Variants in TBC1D5 observed in about 807,000 individuals in gnomAD.
TBC1D5 encodes the protein TBC1 domain family, member 5.
TBC1D5 carries 75 observed loss-of-function variants against 100.3 expected under a neutral mutation model. The ratio of observed to expected loss-of-function variants is 0.75; its 90% CI spans 0.62 to 0.91. TBC1D5 has a LOEUF of 0.91. TBC1D5 is among the 40% of genes least tolerant of loss of function. The probability of loss-of-function intolerance (pLI) is 0.00; values close to 1 mark genes in which losing one functional copy is unlikely to be tolerated. For synonymous variants in TBC1D5, 323 were observed against 325.6 expected (o/e 0.99, Z 0.09); for missense variants, 910 against 942.4 (o/e 0.97, Z 0.45).
chr3:17,262,231 C>CTACAAACCT (rs1302715648), intron 15 of TBC1D5, among the ~76,000 whole-genome samples: 2 of 152,136 alleles, frequency 1.3e-5, no homozygotes, highest in African/African-American at 4.8e-5. Flanking sequence ...TGACCCCAGG[C>CTACAAACCT]TACAAACCTG....
chr3:17,321,614 C>G (rs1267136874), intron 13 of TBC1D5, among the ~76,000 whole-genome samples: 2 of 152,114 alleles, frequency 1.3e-5, no homozygotes, highest in African/African-American at 4.8e-5. Flanking sequence ...CTGTTTTAGT[C>G]AAAACCAATA....
chr3:17,625,474 AT>A (rs928812280), intron 1 of TBC1D5, among the ~76,000 whole-genome samples: 7 of 152,018 alleles, frequency 4.6e-5, no homozygotes, highest in African/African-American at 9.7e-5. Flanking sequence ...ACGATATTTA[AT>A]TTTTTTAAGG....
intron 13 of TBC1D5, among the ~76,000 whole-genome samples, chr3:17,339,095 T>C (rs916295367): frequency 2.0e-5 from 3 of 152,218 alleles, no homozygotes; most frequent in African/African-American, 7.2e-5. Flanking sequence ...AACACAGTAC[T>C]GAAAGTGCAA....
intron 10 of TBC1D5, among the ~76,000 whole-genome samples, chr3:17,375,404 T>C (rs773854830): frequency 9.2e-5 from 14 of 151,864 alleles, no homozygotes; most frequent in Non-Finnish European, 1.9e-4. Context: ...CCATCTCTAC[T>C]AAAAATACAA....
chr3:17,603,373 C>A (rs1021526485), intron 2 of TBC1D5, among the ~76,000 whole-genome samples: 1 of 152,002 alleles, frequency 6.6e-6, no homozygotes, highest in East Asian at 1.9e-4. Flanking sequence ...GCACAAAAAC[C>A]AAGATGGCAA....
chr3:17,677,519 G>A (rs1437001626), intron 1 of TBC1D5, among the ~76,000 whole-genome samples: 1 of 152,218 alleles, frequency 6.6e-6, no homozygotes, highest in Non-Finnish European at 1.5e-5. Context: ...AGGATGTGGA[G>A]AAATAGGAAC....
chr3:17,349,012 G>T (rs2090242756), intron 13 of TBC1D5, among the ~76,000 whole-genome samples: 2 of 152,076 alleles, frequency 1.3e-5, no homozygotes, highest in African/African-American at 4.8e-5. Flanking sequence ...TTAAAACTGA[G>T]AAAAAGAAAT....
intron 13 of TBC1D5, among the ~76,000 whole-genome samples, chr3:17,321,110 C>T (rs1180116725): frequency 6.6e-6 from 1 of 152,116 alleles, no homozygotes; most frequent in African/African-American, 2.4e-5. Flanking sequence ...CTCTGTTGTC[C>T]AGGCTGGAGT....
At chr3:17,508,531 G>C (rs2095867853) in exon 3 of TBC1D5, 1 of 1,613,676 alleles carries the variant, frequency 6.2e-7, no homozygotes, top group Admixed American at 1.7e-5. Flanking sequence ...TGTTCTTCTG[G>C]CTGCAGAGGA....
At chr3:17,256,222 C>T (rs555896626) in intron 16 of TBC1D5, among the ~76,000 whole-genome samples, 5 of 151,906 alleles carry the variant, frequency 3.3e-5, no homozygotes, top group African/African-American at 7.2e-5. Context: ...TTCCCAGCAC[C>T]GTCTATTAAC....
intron 2 of TBC1D5, among the ~76,000 whole-genome samples, chr3:17,525,780 T>C (rs771954108): frequency 6.6e-6 from 1 of 151,894 alleles, no homozygotes; most frequent in Non-Finnish European, 1.5e-5. Flanking sequence ...CTCTGTTTTC[T>C]TGAATAACAA....
intron 2 of TBC1D5, among the ~76,000 whole-genome samples, chr3:17,560,941 G>GT (rs1428447100): frequency 6.6e-6 from 1 of 151,568 alleles, no homozygotes; most frequent in Admixed American, 6.6e-5. Context: ...AAGAAAAATA[G>GT]TTTTTTTAAA....
intron 3 of TBC1D5, among the ~76,000 whole-genome samples, chr3:17,501,650 A>G (rs1289060612): frequency 1.3e-5 from 2 of 149,070 alleles, no homozygotes; most frequent in East Asian, 3.9e-4. Context: ...ATGATAGCAA[A>G]TATCCTTATA....
At chr3:17,374,426 T>C in intron 12 of TBC1D5, 45 bp downstream of exon 12, 2 of 1,542,998 alleles carry the variant, frequency 1.3e-6, no homozygotes, top group East Asian at 2.3e-5. Context: ...TTGAAAGCAT[T>C]TGCTCCATAG....
intron 18 of TBC1D5, among the ~76,000 whole-genome samples, chr3:17,210,250 C>T (rs545430704): frequency 1.1e-3 from 166 of 151,572 alleles, no homozygotes; most frequent in Non-Finnish European, 1.8e-3. Flanking sequence ...TGCAGTGGCG[C>T]GATCTCGGCT....
At chr3:17,647,256 C>T (rs1462836725) in intron 1 of TBC1D5, among the ~76,000 whole-genome samples, 1 of 151,870 alleles carries the variant, frequency 6.6e-6, no homozygotes, top group Non-Finnish European at 1.5e-5. Flanking sequence ...CTAGATAAAC[C>T]ACAGAAAACA....
chr3:17,411,156 T>C (rs778676843), intron 4 of TBC1D5, among the ~76,000 whole-genome samples: 41 of 151,466 alleles, frequency 2.7e-4, no homozygotes, highest in Non-Finnish European at 5.6e-4. Context: ...CAAGACCCTC[T>C]ACCAGCAAAA....
chr3:17,292,349 T>A (rs1366302788), intron 14 of TBC1D5, among the ~76,000 whole-genome samples: 1 of 152,230 alleles, frequency 6.6e-6, no homozygotes, highest in Non-Finnish European at 1.5e-5. Context: ...ACTTAGAAAT[T>A]AGTAATAAAA....
chr3:17,157,992 A>ATTAT (rs2065738358), exon 22 of TBC1D5: 1 of 152,206 alleles, frequency 6.6e-6, no homozygotes, highest in Non-Finnish European at 1.5e-5. Flanking sequence ...CTGCAGTGAT[A>ATTAT]TTATTTCTTT....
Sources: gnomAD v4.1 joint callset for allele counts (sites outside exome capture counted in the v4.1 genomes callset) on GRCh38, gnomAD v4.1.1 for gene constraint, MANE v1.5 for transcripts, NCBI Gene and HGNC (gene_info 2026-07-23, HGNC 2026-07-21) for gene names.